The following MYC variants were observed in gnomAD, a reference collection of about 807,000 sequenced individuals.
MYC encodes the protein MYC proto-oncogene, bHLH transcription factor.
A neutral mutation model predicts 30.5 loss-of-function variants in MYC; 1 was observed. That is an observed-to-expected ratio of 0.03 (90% CI 0.01 to 0.16). The LOEUF is 0.16. MYC is among the 10% of genes least tolerant of loss of function. The pLI is 1.00. For synonymous variants in MYC, 267 were observed against 250.7 expected (o/e 1.07, Z -0.62); for missense variants, 508 against 589.0 (o/e 0.86, Z 1.42).
intron 1 of MYC, 21 bp downstream of exon 1, chr8:127,736,644 GC>G: frequency 2.5e-6 from 4 of 1,613,166 alleles, no homozygotes; most frequent in Non-Finnish European, 3.4e-6. Context: ...AAGTCCACTT[GC>G]CTTTTAATTT....
intron 2 of MYC, 66 bp from the exon 3 acceptor site, chr8:127,740,330 A>G: frequency 6.8e-7 from 1 of 1,469,904 alleles, no homozygotes; most frequent in African/African-American, 1.4e-5. Flanking sequence ...GTACAGCATT[A>G]ATCTGGTAAT....
rs1813638718 is a variant in MYC, at chr8:127,738,197, C to T, written c.31-51C>T. Reference sequence around the variant, plus strand: ...TGCGCGCTGCGCCAGGTTTCCGCACCAAGACCCCTTTAACTCAAGACTGCC... The same window carrying T: ...TGCGCGCTGCGCCAGGTTTCCGCACTAAGACCCCTTTAACTCAAGACTGCC... On this transcript the variant is annotated intron_variant, in intron 1 of 2. Transcript: ENST00000621592. This position sits in a 1 kb window ranked among gnomAD's most constrained non-coding sequence, Gnocchi z 7.6. 4.6e-6 allele frequency: 7 copies of T among 1,524,156 alleles called. No homozygotes were observed. The highest frequency in any genetic ancestry group is 1.4e-5 in the African/African-American group (1 of 72,354). The allele number at this position is 1,524,156 out of a possible 1,614,324, so 94.4% of individuals were successfully genotyped here.
At position 127,741,015 on chromosome 8, in the gene MYC, A is replaced by T. The variant is rs1388324174; in HGVS notation, c.*57A>T. The T allele has an allele frequency of 6.9e-7, 1 of 1,455,436 alleles. No individual in the cohort carries two copies. The highest frequency in any genetic ancestry group is 1.4e-5 in the African/African-American group (1 of 70,838). The allele number at this position is 1,455,436 out of a possible 1,614,324, so 90.2% of individuals were successfully genotyped here. ...GAAATGTCCTGAGCAATCACCTATG[A>T]ACTTGTTTCAAATGCATGATCAAAT... On this transcript the variant is annotated 3_prime_UTR_variant, in exon 3 of 3. Coordinates refer to ENST00000621592, the MANE Select transcript of MYC (RefSeq NM_002467.6).
At position 127,736,388 on chromosome 8, in the gene MYC, C is replaced by A. The variant is rs1164262429; in HGVS notation, c.-206C>A. ...CCTCTGGCCCAGCCCTCCCGCTGAT[C>A]CCCCAGCCAGCGGTCCGCAACCCTT... On this transcript the variant is annotated 5_prime_UTR_variant, in exon 1 of 3. Coordinates refer to ENST00000621592, the MANE Select transcript of MYC (RefSeq NM_002467.6). The A allele has an allele frequency of 1.6e-6, 1 of 616,000 alleles. No homozygotes were observed. The highest frequency in any genetic ancestry group is 1.9e-5 in the African/African-American group (1 of 54,036). The allele number at this position is 616,000 out of a possible 1,614,324, so 38.2% of individuals were successfully genotyped here. A position where few individuals can be genotyped will look rare whatever the true frequency, so the allele number is the denominator to read the frequency against.
intron 2 of MYC, 39 bp downstream of exon 2, chr8:127,739,058 C>T (rs1322809676): frequency 3.5e-6 from 5 of 1,447,242 alleles, no homozygotes; most frequent in South Asian, 2.9e-5. Flanking sequence ...AAGTGGGCGG[C>T]TGGATACCTT....
rs2130096311 is a variant in MYC, at chr8:127,738,765, A to T, written c.548A>T (p.His183Leu). The stretch of plus-strand genomic sequence containing the variant: ...GGCAGCCCGAACCCCGCCCGCGGCC[A>T]CAGCGTCTGCTCCACCTCCAGCTTG... Residue 183 changes from histidine (H) to leucine (L), a missense_variant, in exon 2 of 3, where the codon CAC becomes CTC. Transcript: ENST00000621592. The surrounding 1 kb of genome is among the most constrained non-coding windows in gnomAD (Gnocchi z 7.6). 1.2e-6 allele frequency: 2 copies of T among 1,611,174 alleles called. No individual in the cohort carries two copies. Among genetic ancestry groups the T allele is most frequent in the Non-Finnish European group, 1.7e-6 (2 of 1,178,322 alleles).
In MYC at chr8:127,738,946, G is replaced by A. The variant is rs374701735; in HGVS notation, c.729G>A (p.Glu243=). The A allele has an allele frequency of 3.9e-5, 63 of 1,597,900 alleles. No homozygotes were observed. The highest frequency in any genetic ancestry group is 5.3e-5 in the Non-Finnish European group (62 of 1,176,970). ...CGGATTCTCTGCTCTCCTCGACGGA[G>A]TCCTCCCCGCAGGGCAGCCCCGAGC... is the stretch of plus-strand genomic sequence containing the variant. The change falls in exon 2 of 3, where the codon GAG becomes GAA. Residue 243 remains glutamate (E), a synonymous_variant. Transcript: ENST00000621592. The surrounding 1 kb of genome is among the most constrained non-coding windows in gnomAD (Gnocchi z 7.6).
chr8:127,737,229 T>C (rs1018848744), intron 1 of MYC, among the ~76,000 whole-genome samples: 3 of 152,252 alleles, frequency 2.0e-5, no homozygotes, highest in African/African-American at 7.2e-5. Flanking sequence ...AAAGCAATAA[T>C]ACAATTTAAA....
rs958350674 is a variant in MYC at position 127,736,323 on chromosome 8, C to A, written c.-271C>A. 2.0e-5 allele frequency: 12 copies of A among 586,722 alleles called. No individual in the cohort carries two copies. Among genetic ancestry groups the A allele is most frequent in the African/African-American group, 1.1e-4 (6 of 53,556 alleles). 36.3% of individuals were successfully genotyped at this position (586,722 alleles called of 1,614,324 possible). ...CGGGCGAGCAGAGCTGCGCTGCGGG[C>A]GTCCTGGGAAGGGAGATCCGGAGCG... On this transcript the variant is annotated 5_prime_UTR_variant, in exon 1 of 3. Coordinates refer to ENST00000621592, the MANE Select transcript of MYC (RefSeq NM_002467.6).
rs1813728116 is a variant in MYC, at chr8:127,742,497, G to A, written c.*1539G>A. Among the ~76,000 whole-genome samples the A allele has an allele frequency of 6.6e-6, 1 of 152,024 alleles. No individual in the cohort carries two copies. On this transcript the variant is annotated 3_prime_UTR_variant, in exon 3 of 3. Coordinates refer to ENST00000621592, the MANE Select transcript of MYC (RefSeq NM_002467.6). ...TTCCCCTTTTTTTGTGATTTATTTT[G>A]TTTTTATTTTGTTGTTCATTGTTTA...
chr8:127,741,389 GA>G lies in MYC; in HGVS notation c.*437del, dbSNP rs1031804737. The G allele has an allele frequency of 7.5e-5, 17 of 227,434 alleles. No homozygotes were observed. Among genetic ancestry groups the G allele is most frequent in the Admixed American group, 5.7e-4 (10 of 17,566 alleles). 14.1% of individuals were successfully genotyped at this position (227,434 alleles called of 1,614,324 possible). A position where few individuals can be genotyped will look rare whatever the true frequency, so the allele number is the denominator to read the frequency against. The stretch of plus-strand genomic sequence containing the variant: ...AGTTGATTTTTTTCTATTGTTTTTA[GA>G]AAAAATAAAATAACTGGCAAATATA... On this transcript the variant is annotated 3_prime_UTR_variant, in exon 3 of 3. Coordinates refer to ENST00000621592, the MANE Select transcript of MYC (RefSeq NM_002467.6).
chr8:127,736,831 G>A (rs1813600090), intron 1 of MYC, among the ~76,000 whole-genome samples: 2 of 152,194 alleles, frequency 1.3e-5, no homozygotes, highest in Admixed American at 1.3e-4. Context: ...AGAGGAGAAG[G>A]CAGAGGGAAA....
In MYC at chr8:127,740,601, T is replaced by A. The variant is rs1380596446; in HGVS notation, c.1008T>A (p.Ala336=). Residue 336 remains alanine (A), a synonymous_variant, in exon 3 of 3, where the codon GCT becomes GCA. Transcript: ENST00000621592. ...CCTCCACTCGGAAGGACTATCCTGC[T>A]GCCAAGAGGGTCAAGTTGGACAGTG... 6.2e-7 allele frequency: 1 copy of A among 1,613,976 alleles called. No homozygotes were observed. Among genetic ancestry groups the A allele is most frequent in the South Asian group, 1.1e-5 (1 of 91,070 alleles).
Position 127,739,070 on chromosome 8 carries a change from C to A in MYC, c.802+51C>A, listed in dbSNP as rs1240235474. ...CAAAAGTGGGCGGCTGGATACCTTT[C>A]CCATTTTCATTGGCAGCTTATTTAA... On this transcript the variant is annotated intron_variant, in intron 2 of 2. Transcript: ENST00000621592. 1.1e-5 allele frequency: 16 copies of A among 1,428,042 alleles called. No individual in the cohort carries two copies. In the East Asian group the frequency reaches 3.8e-4, roughly 34 times the overall value. 88.5% of individuals were successfully genotyped at this position (1,428,042 alleles called of 1,614,324 possible).
chr8:127,738,505 C>T lies in MYC; in HGVS notation c.288C>T (p.Ser96=). The change falls in exon 2 of 3, where the codon TCC becomes TCT. Residue 96 remains serine (S), a synonymous_variant. Transcript: ENST00000621592. This position sits in a 1 kb window ranked among gnomAD's most constrained non-coding sequence, Gnocchi z 7.6. ...CCTACGTTGCGGTCACACCCTTCTC[C>T]CTTCGGGGAGACAACGACGGCGGTG... 6.2e-7 allele frequency: 1 copy of T among 1,610,120 alleles called. No individual in the cohort carries two copies. The highest frequency in any genetic ancestry group is 8.5e-7 in the Non-Finnish European group (1 of 1,177,680).
chr8:127,735,972 T>G (rs1179594035), upstream of MYC: 3 of 64,788 alleles, frequency 4.6e-5, no homozygotes, highest in Admixed American at 4.8e-4. Context: ...CCCTCCCGGG[T>G]TCCCAAAGCA....
chr8:127,736,363 C>G lies in MYC; in HGVS notation c.-231C>G. 1 of 605,960 alleles carries G rather than the reference C, an allele frequency of 1.7e-6. No homozygotes were observed. Among genetic ancestry groups the G allele is most frequent in the Non-Finnish European group, 2.9e-6 (1 of 341,568 alleles). The allele number at this position is 605,960 out of a possible 1,614,324, so 37.5% of individuals were successfully genotyped here. ...GATCCGGAGCGAATAGGGGGCTTCG[C>G]CTCTGGCCCAGCCCTCCCGCTGATC... is the stretch of plus-strand genomic sequence containing the variant. On this transcript the variant is annotated 5_prime_UTR_variant, in exon 1 of 3. Coordinates refer to ENST00000621592, the MANE Select transcript of MYC (RefSeq NM_002467.6).
In MYC at chr8:127,740,781, C is replaced by A. The variant is rs762780579; in HGVS notation, c.1188C>A (p.Ile396=). 1.2e-5 allele frequency: 19 copies of A among 1,613,860 alleles called. No homozygotes were observed. The Admixed American group carries it at 3.2e-4, about 27-fold the overall frequency. Residue 396 remains isoleucine, a synonymous_variant, in exon 3 of 3, where the codon ATC becomes ATA. Transcript: ENST00000621592. The stretch of plus-strand genomic sequence containing the variant: ...GCTTTTTTGCCCTGCGTGACCAGAT[C>A]CCGGAGTTGGAAAACAATGAAAAGG...
Position 127,736,321 on chromosome 8 carries a change from G to C in MYC, c.-273G>C. 1 of 586,868 alleles carries C rather than the reference G, an allele frequency of 1.7e-6. No individual in the cohort carries two copies. Among genetic ancestry groups the C allele is most frequent in the Non-Finnish European group, 3.0e-6 (1 of 331,308 alleles). The allele number at this position is 586,868 out of a possible 1,614,324, so 36.4% of individuals were successfully genotyped here. On this transcript the variant is annotated 5_prime_UTR_variant, in exon 1 of 3. Coordinates refer to ENST00000621592, the MANE Select transcript of MYC (RefSeq NM_002467.6). ...GCCGGGCGAGCAGAGCTGCGCTGCGGGCGTCCTGGGAAGGGAGATCCGGAG... is the reference window on the plus strand; with the variant it reads ...GCCGGGCGAGCAGAGCTGCGCTGCGCGCGTCCTGGGAAGGGAGATCCGGAG...
Sources: gnomAD v4.1 joint callset for allele counts (sites outside exome capture counted in the v4.1 genomes callset) on GRCh38, gnomAD v4.1.1 for gene constraint, Gnocchi (gnomAD v3.1) non-coding constraint, MANE v1.5 for transcripts, NCBI Gene and HGNC (gene_info 2026-07-23, HGNC 2026-07-21) for gene names.